Variants in PXDNL observed in about 807,000 individuals in gnomAD.
The protein encoded by PXDNL is probable oxidoreductase PXDNL.
PXDNL carries 145 observed loss-of-function variants against 150.8 expected under a neutral mutation model. The observed-to-expected ratio is 0.96, with a 90% CI of 0.84 to 1.10. The LOEUF is 1.10. PXDNL is among the 50% of genes least tolerant of loss of function. PXDNL has a pLI of 0.00. For synonymous variants in PXDNL, 757 were observed against 725.7 expected, an observed-to-expected ratio of 1.04 and a Z score of -0.69; for missense variants, 2,087 against 1,873.9, an observed-to-expected ratio of 1.11 and a Z score of -2.10.
intron 19 of PXDNL, among the ~76,000 whole-genome samples, chr8:51,358,638 C>A (rs1299228013): frequency 6.6e-6 from 1 of 152,128 alleles, no homozygotes; most frequent in African/African-American, 2.4e-5. Flanking sequence ...TCGCCTGGCC[C>A]CAGCATGAGG....
At chr8:51,794,783 A>G (rs2037545361) in intron 1 of PXDNL, among the ~76,000 whole-genome samples, 1 of 152,208 alleles carries the variant, frequency 6.6e-6, no homozygotes, top group Admixed American at 6.5e-5. Flanking sequence ...CAACATCATG[A>G]TGACAGGATC....
intron 1 of PXDNL, among the ~76,000 whole-genome samples, chr8:51,662,475 C>T (rs1490321782): frequency 6.6e-6 from 1 of 152,136 alleles, no homozygotes; most frequent in Non-Finnish European, 1.5e-5. Flanking sequence ...TGTGCCACTG[C>T]ACTCTAGCCT....
intron 1 of PXDNL, among the ~76,000 whole-genome samples, chr8:51,675,939 G>A (rs530477862): frequency 1.3e-5 from 2 of 152,162 alleles, no homozygotes; most frequent in East Asian, 3.9e-4. Flanking sequence ...CACGTATATA[G>A]ATTCATAACC....
intron 15 of PXDNL, among the ~76,000 whole-genome samples, chr8:51,412,121 G>T (rs1329114535): frequency 6.6e-6 from 1 of 152,076 alleles, no homozygotes; most frequent in Non-Finnish European, 1.5e-5. Flanking sequence ...ATGTTAAAAA[G>T]AAATTTAAAA....
At chr8:51,623,476 A>C (rs112839619) in intron 2 of PXDNL, among the ~76,000 whole-genome samples, 7,854 of 152,318 alleles carry the variant, frequency 0.052, 666 homozygotes, top group African/African-American at 0.18. Flanking sequence ...ACCTAGAAGC[A>C]CATGTGTGTG....
chr8:51,599,058 A>G (rs1813635384), intron 2 of PXDNL, among the ~76,000 whole-genome samples: 1 of 152,024 alleles, frequency 6.6e-6, no homozygotes, highest in Non-Finnish European at 1.5e-5. Flanking sequence ...GATCTTTTGT[A>G]TATCTGTAGG....
chr8:51,600,402 T>G (rs1268486380), intron 2 of PXDNL, among the ~76,000 whole-genome samples: 1 of 132,166 alleles, frequency 7.6e-6, no homozygotes, highest in Non-Finnish European at 1.6e-5. Flanking sequence ...AAATTATATC[T>G]TATATAAATT....
chr8:51,773,122 C>T (rs2037316478), intron 1 of PXDNL, among the ~76,000 whole-genome samples: 1 of 152,168 alleles, frequency 6.6e-6, no homozygotes. Context: ...TATGCAAACC[C>T]ACACATTTGA....
chr8:51,321,077 A>G (rs1229635952), intron 21 of PXDNL, 180 bp from the exon 22 acceptor site: 1 of 563,262 alleles, frequency 1.8e-6, no homozygotes, highest in African/African-American at 1.9e-5. Flanking sequence ...TGAATCATCC[A>G]GTATCCAAAC....
At chr8:51,325,241 T>C (rs1805447261) in intron 21 of PXDNL, among the ~76,000 whole-genome samples, 1 of 152,200 alleles carries the variant, frequency 6.6e-6, no homozygotes. Flanking sequence ...TTTCATTCCA[T>C]TTGGGATCTT....
At chr8:51,675,667 C>CCTTTTTAATGATCGCCATTCTAACTG (rs1815600251) in intron 1 of PXDNL, among the ~76,000 whole-genome samples, 1 of 151,656 alleles carries the variant, frequency 6.6e-6, no homozygotes, top group African/African-American at 2.4e-5. Flanking sequence ...GTGACATGTG[C>CCTTTTTAATGATCGCCATTCTAACTG]CTGTAGTCCC....
intron 1 of PXDNL, among the ~76,000 whole-genome samples, chr8:51,772,237 T>TAC (rs139112734): frequency 0.014 from 1,860 of 130,368 alleles, 13 homozygotes; most frequent in Middle Eastern, 0.032. Context: ...TCTCTCTATA[T>TAC]ACACACACAC....
chr8:51,657,239 G>A (rs376959506), intron 1 of PXDNL, among the ~76,000 whole-genome samples: 2 of 151,862 alleles, frequency 1.3e-5, no homozygotes, highest in South Asian at 2.1e-4. Context: ...TTCACAACAC[G>A]GTAAAGTCAA....
At chr8:51,771,693 A>G (rs1038083855) in intron 1 of PXDNL, among the ~76,000 whole-genome samples, 1 of 152,182 alleles carries the variant, frequency 6.6e-6, no homozygotes, top group Admixed American at 6.5e-5. Context: ...AAAAGAGACA[A>G]AAGAGAGAAA....
chr8:51,590,929 G>A (rs79516128), intron 3 of PXDNL, among the ~76,000 whole-genome samples: 2,283 of 152,236 alleles, frequency 0.015, 57 homozygotes, highest in African/African-American at 0.05. Context: ...TTTGTGAGGC[G>A]AAGAGGCAGA....
intron 19 of PXDNL, among the ~76,000 whole-genome samples, chr8:51,350,655 G>T (rs1293496551): frequency 6.6e-6 from 1 of 151,938 alleles, no homozygotes; most frequent in Non-Finnish European, 1.5e-5. Flanking sequence ...GCGCCCAGCC[G>T]CAAATGCAGC....
At chr8:51,586,088 C>G (rs999322530) in intron 3 of PXDNL, among the ~76,000 whole-genome samples, 1 of 152,162 alleles carries the variant, frequency 6.6e-6, no homozygotes. Flanking sequence ...CTTCATCCAC[C>G]AAAATATGGA....
chr8:51,461,799 G>A (rs976105530), intron 8 of PXDNL, among the ~76,000 whole-genome samples: 7 of 152,176 alleles, frequency 4.6e-5, no homozygotes, highest in Admixed American at 4.6e-4. Context: ...CAAGGCCCAG[G>A]AATAGACTTG....
chr8:51,415,117 C>A (rs1808761316), intron 14 of PXDNL, among the ~76,000 whole-genome samples: 1 of 152,094 alleles, frequency 6.6e-6, no homozygotes, highest in African/African-American at 2.4e-5. Flanking sequence ...TCCTCTCATC[C>A]AGTAATTTCA....
Sources: allele counts gnomAD v4.1 joint callset (sites outside exome capture counted in the v4.1 genomes callset), GRCh38; gene constraint gnomAD v4.1.1; transcripts MANE v1.5; gene names NCBI Gene and HGNC (gene_info 2026-07-23, HGNC 2026-07-21).